GFRA2: variants seen among roughly 807,000 people sequenced by gnomAD.
GFRA2 encodes the protein GDNF family receptor alpha-2.
Under a neutral mutation model 48.3 loss-of-function variants are expected in GFRA2, and 17 were observed. The observed-to-expected ratio is 0.35, with a 90% CI of 0.24 to 0.53. The LOEUF (loss-of-function observed/expected upper bound fraction) is 0.53. GFRA2 is among the 20% of genes least tolerant of loss of function. The probability of loss-of-function intolerance (pLI) is 0.93; values close to 1 mark genes in which losing one functional copy is unlikely to be tolerated. For synonymous variants in GFRA2, 305 were observed against 257.2 expected (o/e 1.19, Z -1.78); for missense variants, 660 against 637.3 (o/e 1.04, Z -0.38).
At chr8:21,772,127 GC>G in intron 3 of GFRA2, among the ~76,000 whole-genome samples, 1 of 152,270 alleles carries the variant, frequency 6.6e-6, no homozygotes, top group South Asian at 2.1e-4. Context: ...AGGTTGGGAA[GC>G]ACTGCTCCAA....
At chr8:21,758,711 CCT>C (rs1202110595) in intron 3 of GFRA2, among the ~76,000 whole-genome samples, 1 of 152,078 alleles carries the variant, frequency 6.6e-6, no homozygotes, top group South Asian at 2.1e-4. Context: ...ATATTTTGTG[CCT>C]CTCTCACTTA....
In GFRA2 at chr8:21,797,927, G is replaced by A. The variant is rs201027440; in HGVS notation, c.-36+7090C>T. Among the ~76,000 whole-genome samples, 57 of 152,268 alleles carry A rather than the reference G, an allele frequency of 3.7e-4. No homozygotes were observed. In the East Asian group the frequency reaches 9.7e-3, roughly 26 times the overall value. ...GTGCTGGCTGTTGTGGATGCTGTTT[G>A]CTTTCAACAACAGCAGGCTGCTCCT... On this transcript the variant is annotated intron_variant, in intron 2 of 10. Coordinates refer to the GFRA2 transcript ENST00000517328.
At chr8:21,759,922 AAGAGAGGGGC>A (rs1236921996) in intron 3 of GFRA2, among the ~76,000 whole-genome samples, 1 of 151,994 alleles carries the variant, frequency 6.6e-6, no homozygotes, top group Admixed American at 6.6e-5. Flanking sequence ...ACCAGCAAAT[AAGAGAGGGGC>A]CTTTCCGAGG....
At chr8:21,776,469 C>CT (rs142915155) in intron 2 of GFRA2, among the ~76,000 whole-genome samples, 2,839 of 133,832 alleles carry the variant, frequency 0.021, 59 homozygotes, top group Non-Finnish European at 0.034. Context: ...AGACGAGACT[C>CT]TTTTTTTTTT....
At chr8:21,767,522 G>C (rs1806233078) in intron 3 of GFRA2, among the ~76,000 whole-genome samples, 1 of 152,244 alleles carries the variant, frequency 6.6e-6, no homozygotes, top group East Asian at 1.9e-4. Flanking sequence ...TTCTGAGCCG[G>C]AGTGATTGCA....
chr8:21,793,219 G>A (rs1356175229), upstream of GFRA2, among the ~76,000 whole-genome samples: 1 of 152,172 alleles, frequency 6.6e-6, no homozygotes, highest in Admixed American at 6.5e-5. Flanking sequence ...ACCAGGAGCC[G>A]CTGAAGGTTT....
At chr8:21,721,853 G>T (rs1185160143) in intron 4 of GFRA2, among the ~76,000 whole-genome samples, 1 of 152,142 alleles carries the variant, frequency 6.6e-6, no homozygotes, top group African/African-American at 2.4e-5. Context: ...CTCTAAAAAA[G>T]CACAGGGCAA....
rs374591434 is a variant in GFRA2 at position 21,801,988 on chromosome 8, C to T, written c.-36+3029G>A. On this transcript the variant is annotated intron_variant, in intron 2 of 10. Transcript: ENST00000517328. ...CTCCTCCCCCAGGGAACTTCCATCC[C>T]GTCCGCTCCTCAGCACGCTGCCTTG... is the stretch of plus-strand genomic sequence containing the variant. Among the ~76,000 whole-genome samples, 396 of 152,354 alleles carry T rather than the reference C, an allele frequency of 2.6e-3. 1 individual carries two copies. Among genetic ancestry groups the T allele is most frequent in the African/African-American group, 9.2e-3 (382 of 41,580 alleles).
In GFRA2 at chr8:21,694,533, T is replaced by C; in HGVS notation, c.1219-16A>G. ...GCCCCTGCTCCTGCGAGAGAGAAGG[T>C]GCCAGTCAGGACGAGTCACCAGGCT... On this transcript the variant is annotated splice_polypyrimidine_tract_variant and intron_variant, in intron 7 of 8. Coordinates refer to ENST00000524240, the MANE Select transcript of GFRA2 (RefSeq NM_001495.5). The C allele has an allele frequency of 6.2e-7, 1 of 1,607,330 alleles. No individual in the cohort carries two copies. The highest frequency in any genetic ancestry group is 2.2e-5 in the East Asian group (1 of 44,656).
chr8:21,746,380 G>A (rs891953757), intron 4 of GFRA2, among the ~76,000 whole-genome samples: 6 of 152,054 alleles, frequency 3.9e-5, no homozygotes, highest in African/African-American at 1.2e-4. Flanking sequence ...CTACCTCTTC[G>A]GGACCACATT....
chr8:21,715,240 G>C (rs935999345), intron 4 of GFRA2, among the ~76,000 whole-genome samples: 5 of 152,178 alleles, frequency 3.3e-5, no homozygotes, highest in Non-Finnish European at 5.9e-5. Context: ...TTTCTGCCCA[G>C]AACAGCAGCT....
At chr8:21,732,586 G>A (rs1170087208) in intron 4 of GFRA2, among the ~76,000 whole-genome samples, 1 of 152,242 alleles carries the variant, frequency 6.6e-6, no homozygotes, top group African/African-American at 2.4e-5. Flanking sequence ...CATGAGACCA[G>A]CAGGAGGAGG....
At chr8:21,766,942 CA>C (rs371638943) in intron 3 of GFRA2, among the ~76,000 whole-genome samples, 5,558 of 145,678 alleles carry the variant, frequency 0.038, 386 homozygotes, top group African/African-American at 0.14. Context: ...CACCTACACA[CA>C]CTCCACCACC....
At chr8:21,747,504 A>G (rs1585290022) in intron 4 of GFRA2, among the ~76,000 whole-genome samples, 1 of 152,144 alleles carries the variant, frequency 6.6e-6, no homozygotes, top group Admixed American at 6.5e-5. Context: ...CCTTCTTCAC[A>G]GAGCTTTCCC....
intron 2 of GFRA2, among the ~76,000 whole-genome samples, chr8:21,802,134 A>G (rs1387050736): frequency 6.6e-6 from 1 of 152,194 alleles, no homozygotes; most frequent in African/African-American, 2.4e-5. Context: ...CCCTGTACAA[A>G]GTGCCCTCGC....
intron 6 of GFRA2, among the ~76,000 whole-genome samples, chr8:21,703,992 C>T (rs954660811): frequency 6.6e-5 from 10 of 152,262 alleles, no homozygotes; most frequent in African/African-American, 2.4e-4. Context: ...CACTGTCACC[C>T]CTGCAGGACA....
At chr8:21,697,643 C>G (rs75484122) in intron 7 of GFRA2, among the ~76,000 whole-genome samples, 96 of 152,292 alleles carry the variant, frequency 6.3e-4, no homozygotes, top group African/African-American at 2.2e-3. Context: ...GAAATAAACT[C>G]GCACATAACC....
intron 4 of GFRA2, among the ~76,000 whole-genome samples, chr8:21,742,785 G>C (rs923146105): frequency 2.0e-5 from 3 of 152,192 alleles, no homozygotes; most frequent in African/African-American, 7.2e-5. Flanking sequence ...ACCACTCAGA[G>C]ATGCCTGGGT....
At chr8:21,792,058 T>A (rs1660768165), upstream of GFRA2, among the ~76,000 whole-genome samples, 1 of 152,118 alleles carries the variant, frequency 6.6e-6, no homozygotes, top group Admixed American at 6.5e-5. Flanking sequence ...CCATCACAGA[T>A]CCTAGAGTCC....
Sources: gnomAD v4.1 joint callset for allele counts (sites outside exome capture counted in the v4.1 genomes callset) on GRCh38, gnomAD v4.1.1 for gene constraint, MANE v1.5 for transcripts, NCBI Gene and HGNC (gene_info 2026-07-23, HGNC 2026-07-21) for gene names.